The following SLC1A2 variants were observed in gnomAD, a reference collection of about 807,000 sequenced individuals.
SLC1A2 encodes excitatory amino acid transporter 2.
In SLC1A2, 15 loss-of-function variants were observed where a neutral mutation model predicts 48.8. The ratio of observed to expected loss-of-function variants is 0.31; its 90% CI spans 0.21 to 0.47. The LOEUF (loss-of-function observed/expected upper bound fraction) is 0.47. Ranked by LOEUF, SLC1A2 falls within the 20% of genes least tolerant of loss-of-function variation. The pLI, the probability that SLC1A2 is intolerant of heterozygous loss-of-function variation, is 0.99. For missense variants in SLC1A2, 502 were observed against 730.5 expected, an observed-to-expected ratio of 0.69 and a Z score of 3.61; for synonymous variants, 279 against 272.6, an observed-to-expected ratio of 1.02 and a Z score of -0.23.
chr11:35,301,702 C>A, intron 5 of SLC1A2, 57 bp from the exon 6 acceptor site: 2 of 1,553,256 alleles, frequency 1.3e-6, no homozygotes, highest in Admixed American at 1.7e-5. Context: ...TACTTTTTCT[C>A]CCTCATTCTT....
At chr11:35,264,083 G>T (rs1950439697) in intron 10 of SLC1A2, 1 of 152,174 alleles carries the variant, frequency 6.6e-6, no homozygotes, top group African/African-American at 2.4e-5. Context: ...CTAATAATTT[G>T]AATCATTTTC....
intron 6 of SLC1A2, among the ~76,000 whole-genome samples, chr11:35,301,160 A>AC (rs369008061): frequency 7.8e-4 from 119 of 152,232 alleles, no homozygotes; most frequent in African/African-American, 2.6e-3. Context: ...CTGATCTTGA[A>AC]CTTCCAGCCT....
At chr11:35,320,087 G>A (rs917474681) in intron 1 of SLC1A2, among the ~76,000 whole-genome samples, 1 of 152,086 alleles carries the variant, frequency 6.6e-6, no homozygotes, top group African/African-American at 2.4e-5. Flanking sequence ...AGACTGACAT[G>A]GGAACTATCA....
At chr11:35,322,671 T>A in intron 1 of SLC1A2, 2 of 1,521,252 alleles carry the variant, frequency 1.3e-6, no homozygotes, top group Non-Finnish European at 1.8e-6. Flanking sequence ...TGGAAGACAC[T>A]AGGTCACCCT....
intron 4 of SLC1A2, 190 bp downstream of exon 4, chr11:35,312,008 A>T (rs1851723274): frequency 1.9e-6 from 1 of 519,434 alleles, no homozygotes; most frequent in Middle Eastern, 5.4e-4. Flanking sequence ...ATGTTTAAAA[A>T]AATTAAAACC....
chr11:35,358,793 T>C (rs913590615), intron 1 of SLC1A2, among the ~76,000 whole-genome samples: 1 of 152,118 alleles, frequency 6.6e-6, no homozygotes, highest in Non-Finnish European at 1.5e-5. Context: ...AAATAAGTAC[T>C]AGCCATTTTT....
intron 5 of SLC1A2, among the ~76,000 whole-genome samples, chr11:35,302,730 G>A (rs568646142): frequency 4.2e-4 from 63 of 151,702 alleles, no homozygotes; most frequent in African/African-American, 1.4e-3. Flanking sequence ...TCTCTCCCTC[G>A]GTACCTCACG....
chr11:35,309,669 A>G (rs1338539782), intron 4 of SLC1A2, among the ~76,000 whole-genome samples: 2 of 152,150 alleles, frequency 1.3e-5, no homozygotes, highest in African/African-American at 2.4e-5. Context: ...CACTCAAGAC[A>G]GGTTATTTTA....
chr11:35,380,280 T>C (rs985050533), intron 1 of SLC1A2: 6 of 398,128 alleles, frequency 1.5e-5, no homozygotes, highest in African/African-American at 1.0e-4. Context: ...ATGCTCTGGG[T>C]GGTTCGACTC....
chr11:35,350,042 T>C (rs1329004321), intron 1 of SLC1A2, among the ~76,000 whole-genome samples: 1 of 152,060 alleles, frequency 6.6e-6, no homozygotes, highest in Non-Finnish European at 1.5e-5. Context: ...GTTTTTCTCC[T>C]CCATGAAATG....
chr11:35,286,568 G>T, intron 8 of SLC1A2, 189 bp downstream of exon 8: 1 of 470,040 alleles, frequency 2.1e-6, no homozygotes, highest in Non-Finnish European at 3.8e-6. Context: ...CAAACAGGAG[G>T]TATTAATAAG....
rs540208159 is a variant in SLC1A2, at chr11:35,374,456, A to T, written c.17+44494T>A. ...ACAATTTGAAGATAGATGAGACAGTAGCCAAACCCCAAATTTAAAGAACGA... is the reference window on the plus strand; with the variant it reads ...ACAATTTGAAGATAGATGAGACAGTTGCCAAACCCCAAATTTAAAGAACGA... On this transcript the variant is annotated intron_variant, in intron 1 of 10. Transcript: ENST00000278379. 8.6e-6 allele frequency: 3 copies of T among 347,776 alleles called. 1 individual carries two copies. In the East Asian group the frequency reaches 2.2e-4, roughly 25 times the overall value. 21.5% of individuals were successfully genotyped at this position (347,776 alleles called of 1,614,324 possible). A position where few individuals can be genotyped will look rare whatever the true frequency, so the allele number is the denominator to read the frequency against.
chr11:35,294,303 C>A (rs935093590), intron 6 of SLC1A2, among the ~76,000 whole-genome samples: 20 of 152,176 alleles, frequency 1.3e-4, no homozygotes, highest in African/African-American at 4.3e-4. Flanking sequence ...GAGAATCTAG[C>A]CTGAAGGTCC....
At chr11:35,278,202 G>C (rs1189161775) in intron 9 of SLC1A2, among the ~76,000 whole-genome samples, 3 of 151,644 alleles carry the variant, frequency 2.0e-5, no homozygotes, top group Non-Finnish European at 4.4e-5. Flanking sequence ...AAAATCTATG[G>C]CCTTCCTTGC....
At chr11:35,408,427 G>C (rs1415112799) in intron 1 of SLC1A2, among the ~76,000 whole-genome samples, 1 of 152,184 alleles carries the variant, frequency 6.6e-6, no homozygotes, top group African/African-American at 2.4e-5. Flanking sequence ...GTATTCTCGT[G>C]GTAGTGAATA....
chr11:35,266,360 T>G (rs980194422), intron 9 of SLC1A2, among the ~76,000 whole-genome samples: 1 of 152,196 alleles, frequency 6.6e-6, no homozygotes, highest in Non-Finnish European at 1.5e-5. Context: ...CCAGCCATAA[T>G]TTTCTCATTG....
At chr11:35,281,209 T>C (rs1294306774) in intron 8 of SLC1A2, among the ~76,000 whole-genome samples, 1 of 152,194 alleles carries the variant, frequency 6.6e-6, no homozygotes, top group African/African-American at 2.4e-5. Context: ...TCAACTATGA[T>C]GTAAGCTTAT....
chr11:35,346,596 G>A (rs1853045148), intron 1 of SLC1A2, among the ~76,000 whole-genome samples: 1 of 152,238 alleles, frequency 6.6e-6, no homozygotes, highest in African/African-American at 2.4e-5. Context: ...CAGACTGTAG[G>A]CTCTTTGAGG....
At chr11:35,299,751 G>A (rs542772380) in intron 6 of SLC1A2, 2 of 152,216 alleles carry the variant, frequency 1.3e-5, no homozygotes, top group Admixed American at 1.3e-4. Flanking sequence ...GGTGGGGTGG[G>A]AGACAAGAAA....
Sources: gnomAD v4.1 joint callset for allele counts (sites outside exome capture counted in the v4.1 genomes callset) on GRCh38, gnomAD v4.1.1 for gene constraint, MANE v1.5 for transcripts, NCBI Gene and HGNC (gene_info 2026-07-23, HGNC 2026-07-21) for gene names.